Variants in GPHN observed in about 807,000 individuals in gnomAD.
GPHN encodes gephyrin.
A neutral mutation model predicts 95.5 loss-of-function variants in GPHN; 17 were observed. The ratio of observed to expected loss-of-function variants is 0.18; its 90% CI spans 0.12 to 0.27. The LOEUF is 0.27. Ranked by LOEUF, GPHN falls within the 10% of genes least tolerant of loss-of-function variation. The pLI is 1.00. For synonymous variants in GPHN, 320 were observed against 322.5 expected, an observed-to-expected ratio of 0.99 and a Z score of 0.08; for missense variants, 660 against 978.1, an observed-to-expected ratio of 0.67 and a Z score of 4.34.
intron 2 of GPHN, among the ~76,000 whole-genome samples, chr14:66,775,098 G>T (rs949793229): frequency 6.6e-6 from 1 of 151,894 alleles, no homozygotes; most frequent in Non-Finnish European, 1.5e-5. Flanking sequence ...TGTCCCGAGG[G>T]TTTGGTGTAC....
chr14:67,680,649 G>C, the GPHN span, among the ~76,000 whole-genome samples: 1 of 152,082 alleles, frequency 6.6e-6, no homozygotes. Flanking sequence ...TATAGAGATG[G>C]GGTCTCATTA....
chr14:66,960,535 A>G (rs999215124), intron 8 of GPHN, among the ~76,000 whole-genome samples: 1 of 152,018 alleles, frequency 6.6e-6, no homozygotes, highest in South Asian at 2.1e-4. Flanking sequence ...TTGTTTGCTT[A>G]GTGGTCAGCT....
chr14:67,250,369 A>ATT, the GPHN span, among the ~76,000 whole-genome samples: 1 of 152,224 alleles, frequency 6.6e-6, no homozygotes, highest in Non-Finnish European at 1.5e-5. Context: ...AGACACTCAA[A>ATT]TATTTACTGA....
At chr14:67,695,885 G>A in the GPHN span, 1 of 600,394 alleles carries the variant, frequency 1.7e-6, no homozygotes, top group African/African-American at 1.9e-5. Context: ...GCCAACGCTG[G>A]CAGAAGTTGA....
At chr14:66,517,947 T>C (rs932969973) in intron 1 of GPHN, among the ~76,000 whole-genome samples, 6 of 151,948 alleles carry the variant, frequency 3.9e-5, no homozygotes, top group Non-Finnish European at 7.4e-5. Context: ...AAGTGGATTA[T>C]AGTAAACTAA....
chr14:67,505,218 G>A, the GPHN span, among the ~76,000 whole-genome samples: 1 of 152,154 alleles, frequency 6.6e-6, no homozygotes, highest in Non-Finnish European at 1.5e-5. Context: ...AATGGGCAGA[G>A]ACTGGGGAAA....
At chr14:67,287,016 A>C in the GPHN span, among the ~76,000 whole-genome samples, 1 of 152,108 alleles carries the variant, frequency 6.6e-6, no homozygotes, top group East Asian at 1.9e-4. Context: ...CCAGGAGTTC[A>C]AGACCAGCTT....
At chr14:67,537,417 C>T in the GPHN span, among the ~76,000 whole-genome samples, 2 of 148,910 alleles carry the variant, frequency 1.3e-5, no homozygotes, top group South Asian at 2.1e-4. Flanking sequence ...TGGCTCAACA[C>T]ACTTTAGAAT....
At chr14:66,588,397 A>C (rs1200732216) in intron 1 of GPHN, among the ~76,000 whole-genome samples, 1 of 152,146 alleles carries the variant, frequency 6.6e-6, no homozygotes, top group East Asian at 1.9e-4. Flanking sequence ...AGTTTGATGA[A>C]TTGACAAAAT....
chr14:67,040,460 G>A (rs1369866124), intron 10 of GPHN, among the ~76,000 whole-genome samples: 2 of 152,034 alleles, frequency 1.3e-5, no homozygotes, highest in African/African-American at 2.4e-5. Flanking sequence ...TGAAAATTAG[G>A]AAATGAACAT....
At chr14:66,710,840 A>T (rs984014706) in intron 2 of GPHN, among the ~76,000 whole-genome samples, 1 of 152,212 alleles carries the variant, frequency 6.6e-6, no homozygotes, top group Non-Finnish European at 1.5e-5. Context: ...TAGGATTATC[A>T]TGAGGCTTAA....
intron 1 of GPHN, among the ~76,000 whole-genome samples, chr14:66,662,250 T>C (rs2153376366): frequency 6.6e-6 from 1 of 152,224 alleles, no homozygotes; most frequent in Non-Finnish European, 1.5e-5. Flanking sequence ...AGCCACCACC[T>C]ACCACCTGGT....
chr14:66,772,936 A>G (rs1235843420), intron 2 of GPHN, among the ~76,000 whole-genome samples: 22 of 152,318 alleles, frequency 1.4e-4, no homozygotes, highest in Non-Finnish European at 1.0e-4. Flanking sequence ...TTAATATATG[A>G]GCACTTTAGA....
intron 10 of GPHN, among the ~76,000 whole-genome samples, chr14:67,057,823 G>A (rs1297554585): frequency 1.3e-5 from 2 of 152,110 alleles, no homozygotes; most frequent in Non-Finnish European, 2.9e-5. Flanking sequence ...TTCATAAAAT[G>A]CAGTCAGTAA....
chr14:67,724,647 T>C, the GPHN span: 1 of 1,305,150 alleles, frequency 7.7e-7, no homozygotes. Context: ...TTCTTCCCAC[T>C]GGGGCCTCTG....
intron 17 of GPHN, among the ~76,000 whole-genome samples, chr14:67,123,798 AT>A (rs988180378): frequency 1.1e-4 from 17 of 151,990 alleles, no homozygotes; most frequent in African/African-American, 3.9e-4. Flanking sequence ...ACATTATGAG[AT>A]TTTTTTGCGA....
At chr14:66,526,366 T>A (rs1159412640) in intron 1 of GPHN, among the ~76,000 whole-genome samples, 2 of 152,214 alleles carry the variant, frequency 1.3e-5, no homozygotes, top group African/African-American at 4.8e-5. Flanking sequence ...GCTTATCAGC[T>A]TAAGGAGATT....
chr14:66,683,371 T>TATATATATGTTC (rs2067101797), intron 2 of GPHN, among the ~76,000 whole-genome samples: 2 of 32,850 alleles, frequency 6.1e-5, no homozygotes, highest in African/African-American at 2.5e-4. Context: ...TATATATATA[T>TATATATATGTTC]ATATATATGT....
the GPHN span, among the ~76,000 whole-genome samples, chr14:67,635,223 G>A: frequency 6.6e-6 from 1 of 152,138 alleles, no homozygotes; most frequent in Admixed American, 6.5e-5. Context: ...CAGCCTGAGT[G>A]ACAGAGTAAG....
Sources: gnomAD v4.1 joint callset for allele counts (sites outside exome capture counted in the v4.1 genomes callset) on GRCh38, gnomAD v4.1.1 for gene constraint, MANE v1.5 for transcripts, NCBI Gene and HGNC (gene_info 2026-07-23, HGNC 2026-07-21) for gene names.